The following OGDH variants were observed in gnomAD, a reference collection of about 807,000 sequenced individuals.
OGDH encodes 2-oxoglutarate dehydrogenase complex component E1.
Under a neutral mutation model 116.6 loss-of-function variants are expected in OGDH, and 38 were observed. That is an observed-to-expected ratio of 0.33 (90% CI 0.25 to 0.43). OGDH has a LOEUF of 0.43. Ranked by LOEUF, OGDH falls within the 20% of genes least tolerant of loss-of-function variation. OGDH has a pLI of 1.00. For missense variants in OGDH, 825 were observed against 1,357.2 expected, an observed-to-expected ratio of 0.61 and a Z score of 6.16; for synonymous variants, 488 against 533.3, an observed-to-expected ratio of 0.92 and a Z score of 1.17.
chr7:44,634,851 C>T (rs968240557), intron 2 of OGDH, among the ~76,000 whole-genome samples: 1 of 152,224 alleles, frequency 6.6e-6, no homozygotes. Flanking sequence ...TCTTTGGAGA[C>T]TTGTGCTTAG....
intron 10 of OGDH, among the ~76,000 whole-genome samples, chr7:44,686,965 G>T (rs1390956624): frequency 6.6e-6 from 1 of 151,592 alleles, no homozygotes; most frequent in African/African-American, 2.4e-5. Flanking sequence ...GGGATTACAG[G>T]CATGAGCCAC....
chr7:44,702,690 TCA>T (rs1192733834), intron 20 of OGDH, among the ~76,000 whole-genome samples: 1 of 152,208 alleles, frequency 6.6e-6, no homozygotes, highest in Non-Finnish European at 1.5e-5. Flanking sequence ...CCTCCCGGGT[TCA>T]CGCCATTCTC....
In OGDH at chr7:44,619,244, G is replaced by C. The variant is rs534909470; in HGVS notation, c.-27-5073G>C. 2.3e-4 allele frequency among the ~76,000 whole-genome samples: 35 copies of C among 152,334 alleles called. 1 individual carries two copies. The Middle Eastern group carries it at 0.01, about 44-fold the overall frequency. ...GAAATTTATTGAACCAAAGGAGGGG[G>C]TCATGGGATCTCCAGTTTCTAGCTG... is the stretch of plus-strand genomic sequence containing the variant. On this transcript the variant is annotated intron_variant, in intron 1 of 22. Coordinates refer to ENST00000222673, the MANE Select transcript of OGDH (RefSeq NM_002541.4).
Position 44,708,778 on chromosome 7 carries a change from C to T in OGDH, c.*779C>T, listed in dbSNP as rs887754493. The T allele has an allele frequency of 1.3e-5, 2 of 152,236 alleles. No individual in the cohort carries two copies. The highest frequency in any genetic ancestry group is 2.9e-5 in the Non-Finnish European group (2 of 68,076). 9.4% of individuals were successfully genotyped at this position (152,236 alleles called of 1,614,324 possible). On this transcript the variant is annotated 3_prime_UTR_variant, in exon 23 of 23. Coordinates refer to ENST00000222673, the MANE Select transcript of OGDH (RefSeq NM_002541.4). ...CTTGGTCCTGTTAACCCTCCACCTCCTCTCTTGGACTCCCTCCCCACCCCA... is the reference window on the plus strand; with the variant it reads ...CTTGGTCCTGTTAACCCTCCACCTCTTCTCTTGGACTCCCTCCCCACCCCA...
chr7:44,675,140 C>T, intron 7 of OGDH, 38 bp from the exon 8 acceptor site: 1 of 1,561,080 alleles, frequency 6.4e-7, no homozygotes, highest in South Asian at 1.1e-5. Context: ...AAACCATGAC[C>T]TCAGGCTCTG....
Position 44,696,076 on chromosome 7 carries a change from A to G in OGDH, c.1720A>G (p.Lys574Glu). The G allele has an allele frequency of 1.2e-6, 2 of 1,613,622 alleles. No homozygotes were observed. Among genetic ancestry groups the G allele is most frequent in the Non-Finnish European group, 1.7e-6 (2 of 1,179,556 alleles). The change falls in exon 13 of 23, where the codon AAA becomes GAA. Residue 574 changes from lysine (K) to glutamate (E), a missense_variant. Transcript: ENST00000222673. ...CTGTGAGGAAGCTTTTGCCAGATCT[A>G]AAGATGAGAAGATCTTGCACATTAA... ...KICEEAFARS[K>E]DEKILHIKHW...
At chr7:44,667,796 G>C (rs1258500592) in intron 5 of OGDH, among the ~76,000 whole-genome samples, 1 of 152,168 alleles carries the variant, frequency 6.6e-6, no homozygotes, top group East Asian at 1.9e-4. Context: ...AGAGCTAAAG[G>C]ATCGAGGTTA....
intron 10 of OGDH, among the ~76,000 whole-genome samples, chr7:44,686,689 C>CTTTTTTT (rs35917984): frequency 3.8e-5 from 5 of 133,238 alleles, no homozygotes; most frequent in South Asian, 2.4e-4. Context: ...TTCTTTTTTT[C>CTTTTTTT]TTTTTTTTTT....
At chr7:44,609,741 G>T (rs574893724) in intron 1 of OGDH, among the ~76,000 whole-genome samples, 6 of 152,132 alleles carry the variant, frequency 3.9e-5, no homozygotes, top group African/African-American at 1.4e-4. Flanking sequence ...GTCGTAGTGC[G>T]TGCTTAGTTA....
In OGDH at chr7:44,634,118, G is replaced by A. The variant is rs533807823; in HGVS notation, c.222+9553G>A. Among the ~76,000 whole-genome samples the A allele has an allele frequency of 3.6e-4, 55 of 152,346 alleles. 1 individual carries two copies. In the South Asian group the frequency reaches 7.9e-3, roughly 22 times the overall value. Reference sequence around the variant, plus strand: ...AGCTGAGGCTCACACCAGGCTAGAAGCCATGAAGGCCTCTGATGTGTCTGG... The same window carrying A: ...AGCTGAGGCTCACACCAGGCTAGAAACCATGAAGGCCTCTGATGTGTCTGG... On this transcript the variant is annotated intron_variant, in intron 2 of 22. Coordinates refer to ENST00000222673, the MANE Select transcript of OGDH (RefSeq NM_002541.4).
At chr7:44,661,890 C>T (rs965977166) in intron 4 of OGDH, among the ~76,000 whole-genome samples, 9 of 152,134 alleles carry the variant, frequency 5.9e-5, no homozygotes, top group African/African-American at 1.9e-4. Context: ...TGAGCCACCA[C>T]GCCTGGCGTG....
chr7:44,701,891 G>A (rs953548080), intron 20 of OGDH, among the ~76,000 whole-genome samples: 1 of 152,102 alleles, frequency 6.6e-6, no homozygotes, highest in Non-Finnish European at 1.5e-5. Flanking sequence ...GACCAACATG[G>A]AGAAACGCCA....
intron 4 of OGDH, among the ~76,000 whole-genome samples, chr7:44,655,366 C>T (rs1386132504): frequency 1.3e-5 from 2 of 152,180 alleles, no homozygotes; most frequent in Non-Finnish European, 2.9e-5. Flanking sequence ...GGTTGTTGTT[C>T]CCTGGGGGAA....
chr7:44,615,702 G>T (rs1055865180), intron 1 of OGDH, among the ~76,000 whole-genome samples: 4 of 152,056 alleles, frequency 2.6e-5, no homozygotes, highest in African/African-American at 9.7e-5. Context: ...TAGGCTTCTC[G>T]AGTACCCAGG....
intron 2 of OGDH, among the ~76,000 whole-genome samples, chr7:44,629,390 G>C (rs1785333975): frequency 6.6e-6 from 1 of 152,100 alleles, no homozygotes; most frequent in Non-Finnish European, 1.5e-5. Context: ...GCTGCCTTGA[G>C]GGTGCCATCA....
At chr7:44,681,685 C>A in intron 9 of OGDH, 35 bp from the exon 10 acceptor site, 1 of 1,597,120 alleles carries the variant, frequency 6.3e-7, no homozygotes, top group South Asian at 1.1e-5. Flanking sequence ...GCAATCAGAA[C>A]ATTCTGGATT....
At chr7:44,647,624 G>A (rs775861980) in intron 3 of OGDH, 33 bp from the exon 4 acceptor site, 3 of 1,583,642 alleles carry the variant, frequency 1.9e-6, no homozygotes, top group Admixed American at 3.3e-5. Flanking sequence ...CCTTTTGTGT[G>A]TGTCCTTCCC....
intron 20 of OGDH, among the ~76,000 whole-genome samples, chr7:44,705,164 T>TGCCTCA (rs1789015830): frequency 7.1e-6 from 1 of 141,776 alleles, no homozygotes; most frequent in Non-Finnish European, 1.5e-5. Flanking sequence ...GCCATTCTCC[T>TGCCTCA]GCCTCAGCCT....
intron 2 of OGDH, among the ~76,000 whole-genome samples, chr7:44,636,004 G>A (rs1402539864): frequency 6.6e-6 from 1 of 152,180 alleles, no homozygotes; most frequent in Non-Finnish European, 1.5e-5. Context: ...CACCTGGCCG[G>A]ACTTTATAAA....
Sources: gnomAD v4.1 joint callset for allele counts (sites outside exome capture counted in the v4.1 genomes callset) on GRCh38, gnomAD v4.1.1 for gene constraint, MANE v1.5 for transcripts, NCBI Gene and HGNC (gene_info 2026-07-23, HGNC 2026-07-21) for gene names.